The following WDFY3 variants were observed in gnomAD, a reference collection of about 807,000 sequenced individuals.
The protein encoded by WDFY3 is WD repeat and FYVE domain-containing protein 3.
WDFY3 carries 66 observed loss-of-function variants against 409.6 expected under a neutral mutation model. The ratio of observed to expected loss-of-function variants is 0.16; its 90% CI spans 0.13 to 0.20. WDFY3 has a LOEUF of 0.20. WDFY3 is among the 10% of genes least tolerant of loss of function. WDFY3 has a pLI of 1.00. For synonymous variants in WDFY3, 1,521 were observed against 1,537.1 expected, an observed-to-expected ratio of 0.99 and a Z score of 0.25; for missense variants, 3,031 against 4,298.1, an observed-to-expected ratio of 0.71 and a Z score of 8.24.
intron 2 of WDFY3, among the ~76,000 whole-genome samples, chr4:84,918,850 CATAT>C (rs529751700): frequency 6.7e-6 from 1 of 149,580 alleles, no homozygotes; most frequent in African/African-American, 2.5e-5. Context: ...CACACACACA[CATAT>C]ATATATATAC....
chr4:84,701,773 C>A (rs1358755295), intron 56 of WDFY3, among the ~76,000 whole-genome samples: 1 of 152,034 alleles, frequency 6.6e-6, no homozygotes, highest in Non-Finnish European at 1.5e-5. Context: ...AAATAGAGTC[C>A]TTACAGGATA....
chr4:84,888,196 T>C (rs1764475809), intron 3 of WDFY3, among the ~76,000 whole-genome samples: 1 of 152,192 alleles, frequency 6.6e-6, no homozygotes, highest in African/African-American at 2.4e-5. Flanking sequence ...ATTCAGAATA[T>C]TAAGGAAATC....
At chr4:84,929,779 TGCACAC>T (rs1770505435) in intron 2 of WDFY3, among the ~76,000 whole-genome samples, 1 of 151,930 alleles carries the variant, frequency 6.6e-6, no homozygotes, top group East Asian at 1.9e-4. Flanking sequence ...GATGTGGTGA[TGCACAC>T]CTGTAATCCC....
intron 7 of WDFY3, among the ~76,000 whole-genome samples, chr4:84,836,000 T>A (rs557210343): frequency 1.3e-5 from 2 of 152,214 alleles, no homozygotes; most frequent in Non-Finnish European, 2.9e-5. Flanking sequence ...TCTAAACATG[T>A]TGTTTTTAAC....
chr4:84,933,402 A>T (rs1222840004), intron 1 of WDFY3, among the ~76,000 whole-genome samples: 1 of 151,986 alleles, frequency 6.6e-6, no homozygotes, highest in African/African-American at 2.4e-5. Context: ...TTTTATTTTT[A>T]ATTTTTACCT....
chr4:84,928,771 T>C (rs892582981), intron 2 of WDFY3, among the ~76,000 whole-genome samples: 1 of 152,202 alleles, frequency 6.6e-6, no homozygotes, highest in African/African-American at 2.4e-5. Flanking sequence ...TAAATTTTTT[T>C]AGGGAAATGA....
In WDFY3 at chr4:84,790,071, T is replaced by A. The variant is rs555408207; in HGVS notation, c.3488-164A>T. ...TGGAAAAAAAAATGATAATGCGGGT[T>A]GGGCACGGTGGCTCACACCTGTAAT... On this transcript the variant is annotated intron_variant, in intron 21 of 67. Coordinates refer to ENST00000295888, the MANE Select transcript of WDFY3 (RefSeq NM_014991.6). Among the ~76,000 whole-genome samples, 30 of 152,176 alleles carry A rather than the reference T, an allele frequency of 2.0e-4. 1 individual carries two copies. In the South Asian group the frequency reaches 6.0e-3, roughly 31 times the overall value.
intron 2 of WDFY3, among the ~76,000 whole-genome samples, chr4:84,910,426 T>C (rs1176900017): frequency 1.3e-5 from 2 of 151,948 alleles, no homozygotes; most frequent in African/African-American, 4.8e-5. Flanking sequence ...AAATATATAA[T>C]ATAATGTAAT....
At chr4:84,802,907 C>T (rs1385465355) in intron 16 of WDFY3, among the ~76,000 whole-genome samples, 3 of 152,170 alleles carry the variant, frequency 2.0e-5, no homozygotes, top group African/African-American at 7.2e-5. Flanking sequence ...ACCCAAACTC[C>T]AATTCGCTCA....
At chr4:84,891,078 GC>G (rs1288241899) in intron 3 of WDFY3, among the ~76,000 whole-genome samples, 1 of 152,136 alleles carries the variant, frequency 6.6e-6, no homozygotes, top group Admixed American at 6.6e-5. Context: ...GCCAGACTTT[GC>G]CCGCAGGCCA....
chr4:84,732,189 G>A (rs1156375910), intron 44 of WDFY3, among the ~76,000 whole-genome samples: 1 of 152,132 alleles, frequency 6.6e-6, no homozygotes, highest in Non-Finnish European at 1.5e-5. Context: ...GTAGACTTTA[G>A]AGAGCTATCT....
At chr4:84,786,598 T>C (rs2149518645) in intron 23 of WDFY3, among the ~76,000 whole-genome samples, 1 of 152,330 alleles carries the variant, frequency 6.6e-6, no homozygotes, top group East Asian at 1.9e-4. Flanking sequence ...GTTTTAAAGC[T>C]ACATGGCCTG....
Position 84,765,872 on chromosome 4 carries a change from C to G in WDFY3, c.5126G>C (p.Ser1709Thr). ...TGTCTGTTCAAGCCATCCTCCACCA[C>G]TGAGTCCTTCTTTAAACTTGATGAG... Reference protein sequence around the residue: ...SILIKFKEGLSGGGWLEQTDS... With the variant: ...SILIKFKEGLTGGGWLEQTDS... The change falls in exon 32 of 68, where the codon AGT becomes ACT. Residue 1709 changes from serine to threonine, a missense_variant. Around this residue, in one of 16 missense-constraint regions of WDFY3, gnomAD observed 342 missense variants for 463.7 expected, o/e 0.74. Transcript: ENST00000295888. 6.2e-7 allele frequency: 1 copy of G among 1,613,922 alleles called. No homozygotes were observed. The highest frequency in any genetic ancestry group is 8.5e-7 in the Non-Finnish European group (1 of 1,179,922).
chr4:84,791,502 A>G (rs1236307002), intron 21 of WDFY3, among the ~76,000 whole-genome samples: 1 of 152,216 alleles, frequency 6.6e-6, no homozygotes, highest in African/African-American at 2.4e-5. Flanking sequence ...TATAGTCAAC[A>G]ATAATGTTGT....
At chr4:84,927,836 G>A (rs1263973999) in intron 2 of WDFY3, among the ~76,000 whole-genome samples, 6 of 152,222 alleles carry the variant, frequency 3.9e-5, no homozygotes. Flanking sequence ...AAATTACCCA[G>A]TCTCAGGTAT....
rs1308684680 is a variant in WDFY3 at position 84,737,334 on chromosome 4, C to T, written c.6607G>A (p.Val2203Ile). ...RQLLIKAVNR[V>I]WTELIHSKKQ... The stretch of plus-strand genomic sequence containing the variant: ...TTACTATGTATCAGTTCAGTCCAAA[C>T]TCTGTTGACAGCTTTTATGAGAAGC... The change falls in exon 41 of 68, where the codon GTT becomes ATT. Residue 2203 changes from valine to isoleucine, a missense_variant. Val to Ile is a conservative substitution (Grantham distance 29). Around this residue, in one of 16 missense-constraint regions of WDFY3, gnomAD observed 314 missense variants for 397.4 expected, o/e 0.79. Coordinates refer to ENST00000295888, the MANE Select transcript of WDFY3 (RefSeq NM_014991.6). The T allele has an allele frequency of 3.1e-6, 5 of 1,595,962 alleles. No individual in the cohort carries two copies. The highest frequency in any genetic ancestry group is 4.3e-6 in the Non-Finnish European group (5 of 1,171,840).
intron 13 of WDFY3, among the ~76,000 whole-genome samples, chr4:84,814,509 G>A (rs990984159): frequency 1.3e-5 from 2 of 152,068 alleles, no homozygotes; most frequent in African/African-American, 4.8e-5. Flanking sequence ...ATTGTGTATT[G>A]TTCAGAGTAA....
intron 3 of WDFY3, among the ~76,000 whole-genome samples, chr4:84,872,232 C>G (rs1762221577): frequency 6.6e-6 from 1 of 151,818 alleles, no homozygotes; most frequent in South Asian, 2.1e-4. Context: ...TTTGGGAGGC[C>G]GAGGTGGGCA....
Position 84,860,562 on chromosome 4 carries a change from C to T in WDFY3, c.30G>A (p.Arg10=). 2.5e-6 allele frequency: 4 copies of T among 1,611,862 alleles called. No homozygotes were observed. The highest frequency in any genetic ancestry group is 3.4e-6 in the Non-Finnish European group (4 of 1,178,516). ...GTGGGCTGCACTCCTCCTGCCTCGG[C>T]CGCCCCATGATCCTCTTCACCATGT... MNMVKRIMG[R]PRQEECSPQD... The change falls in exon 4 of 68, where the codon CGG becomes CGA. Residue 10 remains arginine, a synonymous_variant. Coordinates refer to ENST00000295888, the MANE Select transcript of WDFY3 (RefSeq NM_014991.6).
Sources: allele counts gnomAD v4.1 joint callset (sites outside exome capture counted in the v4.1 genomes callset), GRCh38; gene constraint gnomAD v4.1.1; regional missense constraint gnomAD v4.1.1; transcripts MANE v1.5; gene names NCBI Gene and HGNC (gene_info 2026-07-23, HGNC 2026-07-21).